Variants in ITGA9 observed in about 807,000 individuals in gnomAD.
ITGA9 encodes integrin alpha-9.
A neutral mutation model predicts 127.8 loss-of-function variants in ITGA9; 56 were observed. The observed-to-expected ratio is 0.44, with a 90% CI of 0.35 to 0.55. The LOEUF is 0.55. ITGA9 is among the 20% of genes least tolerant of loss of function. ITGA9 has a pLI of 0.00. For missense variants in ITGA9, 1,196 were observed against 1,347.1 expected (o/e 0.89, Z 1.76); for synonymous variants, 508 against 514.5 (o/e 0.99, Z 0.17).
intron 15 of ITGA9, among the ~76,000 whole-genome samples, chr3:37,550,989 C>T (rs2125594739): frequency 6.6e-6 from 1 of 152,304 alleles, no homozygotes; most frequent in South Asian, 2.1e-4. Context: ...GGTCATATCA[C>T]TCAAGTCATG....
intron 17 of ITGA9, among the ~76,000 whole-genome samples, chr3:37,670,159 A>G (rs983260971): frequency 2.6e-5 from 4 of 151,760 alleles, no homozygotes; most frequent in African/African-American, 9.7e-5. Flanking sequence ...CTCCTAAGCC[A>G]AGAAGGAAAA....
At chr3:37,470,363 A>G (rs1479655382) in intron 1 of ITGA9, among the ~76,000 whole-genome samples, 1 of 152,126 alleles carries the variant, frequency 6.6e-6, no homozygotes, top group Non-Finnish European at 1.5e-5. Context: ...GTTACTCTAT[A>G]TCCTTGCCAG....
chr3:37,521,461 A>C (rs991898043), intron 11 of ITGA9, among the ~76,000 whole-genome samples: 3 of 152,210 alleles, frequency 2.0e-5, no homozygotes, highest in African/African-American at 7.2e-5. Context: ...TCCCAATGTG[A>C]GAGCCCTCTG....
At chr3:37,566,636 G>A (rs968805575) in intron 15 of ITGA9, among the ~76,000 whole-genome samples, 24 of 152,236 alleles carry the variant, frequency 1.6e-4, no homozygotes, top group African/African-American at 5.8e-4. Context: ...TGGGTGTGCT[G>A]CAGTCTTCAG....
At chr3:37,804,002 G>A in intron 27 of ITGA9, 60 bp downstream of exon 27, 4 of 1,612,078 alleles carry the variant, frequency 2.5e-6, no homozygotes, top group South Asian at 2.2e-5. Flanking sequence ...CAGCTCTCCT[G>A]CCTTTCCAGG....
At chr3:37,782,967 A>G (rs1352760547) in intron 25 of ITGA9, among the ~76,000 whole-genome samples, 3 of 152,100 alleles carry the variant, frequency 2.0e-5, no homozygotes, top group East Asian at 1.9e-4. Flanking sequence ...GTGAAACCCC[A>G]TCTCTACTAA....
intron 3 of ITGA9, among the ~76,000 whole-genome samples, chr3:37,474,373 C>CAG (rs748265501): frequency 6.6e-6 from 1 of 152,170 alleles, no homozygotes; most frequent in Non-Finnish European, 1.5e-5. Flanking sequence ...TATTGGAAAG[C>CAG]AGAGAGAGAG....
chr3:37,469,747 G>A (rs1698408450), intron 1 of ITGA9, among the ~76,000 whole-genome samples: 1 of 152,116 alleles, frequency 6.6e-6, no homozygotes, highest in Non-Finnish European at 1.5e-5. Context: ...CTCTGTGGTT[G>A]CAGTTGAATG....
At chr3:37,578,902 C>T (rs889885252) in intron 15 of ITGA9, among the ~76,000 whole-genome samples, 2 of 151,812 alleles carry the variant, frequency 1.3e-5, no homozygotes, top group Non-Finnish European at 2.9e-5. Flanking sequence ...GTGCCAGTCA[C>T]CTAGGGCTGA....
intron 15 of ITGA9, among the ~76,000 whole-genome samples, chr3:37,611,047 G>A (rs1448637915): frequency 1.3e-5 from 2 of 152,178 alleles, no homozygotes; most frequent in African/African-American, 4.8e-5. Flanking sequence ...AAAAAGTAAA[G>A]CATCAGGTAA....
chr3:37,499,772 G>A (rs529119658), intron 5 of ITGA9, among the ~76,000 whole-genome samples: 2 of 152,276 alleles, frequency 1.3e-5, no homozygotes, highest in African/African-American at 4.8e-5. Flanking sequence ...GTGGCGTGGT[G>A]CGGTAAAAAC....
chr3:37,737,845 G>C (rs1220661980), intron 20 of ITGA9, among the ~76,000 whole-genome samples: 1 of 152,208 alleles, frequency 6.6e-6, no homozygotes, highest in African/African-American at 2.4e-5. Context: ...GATTCACCCA[G>C]TGTTAACATT....
At chr3:37,818,114 G>A (rs1697458869) in intron 27 of ITGA9, among the ~76,000 whole-genome samples, 2 of 141,176 alleles carry the variant, frequency 1.4e-5, no homozygotes, top group Non-Finnish European at 3.0e-5. Flanking sequence ...CTTGGGGAAT[G>A]TCAGGTCCCT....
At chr3:37,748,270 C>T (rs138873248) in intron 22 of ITGA9, 111 of 506,430 alleles carry the variant, frequency 2.2e-4, no homozygotes, top group Non-Finnish European at 3.9e-4. Flanking sequence ...AGGAAGGCCC[C>T]GCAAGTATTA....
At chr3:37,807,376 G>A (rs1697311635) in intron 27 of ITGA9, 1 of 152,336 alleles carries the variant, frequency 6.6e-6, no homozygotes, top group South Asian at 2.1e-4. Flanking sequence ...TTTCCAGGCA[G>A]GGAAGGGTAG....
intron 15 of ITGA9, among the ~76,000 whole-genome samples, chr3:37,593,025 A>C (rs1699835297): frequency 6.6e-6 from 1 of 152,202 alleles, no homozygotes; most frequent in Non-Finnish European, 1.5e-5. Flanking sequence ...TAGAATAACC[A>C]GGGGGAAAAA....
intron 1 of ITGA9, among the ~76,000 whole-genome samples, chr3:37,465,719 A>G (rs1423814084): frequency 2.0e-5 from 3 of 152,162 alleles, no homozygotes; most frequent in Non-Finnish European, 4.4e-5. Context: ...GGGGAGGGGA[A>G]GGTCTTTTCT....
chr3:37,629,042 T>G lies in ITGA9; in HGVS notation c.1690-145T>G. The stretch of plus-strand genomic sequence containing the variant: ...GGCCTCAATTACCTCATTTAAAATA[T>G]GAAAGTCATAAAACCCTACCTCACG... On this transcript the variant is annotated intron_variant, in intron 15 of 27. Coordinates refer to ENST00000264741, the MANE Select transcript of ITGA9 (RefSeq NM_002207.3). This position sits in a 1 kb window ranked among gnomAD's most constrained non-coding sequence, Gnocchi z 4.5. 2.1e-6 allele frequency: 2 copies of G among 945,652 alleles called. No homozygotes were observed. Among genetic ancestry groups the G allele is most frequent in the African/African-American group, 1.6e-5 (1 of 61,688 alleles). 58.6% of individuals were successfully genotyped at this position (945,652 alleles called of 1,614,324 possible).
At chr3:37,599,483 G>A (rs1156453226) in intron 15 of ITGA9, among the ~76,000 whole-genome samples, 3 of 152,234 alleles carry the variant, frequency 2.0e-5, no homozygotes, top group Non-Finnish European at 4.4e-5. Flanking sequence ...TGAGGCATGG[G>A]CTTCAGAAGT....
Sources: allele counts gnomAD v4.1 joint callset (sites outside exome capture counted in the v4.1 genomes callset), GRCh38; gene constraint gnomAD v4.1.1; non-coding constraint Gnocchi (gnomAD v3.1); transcripts MANE v1.5; gene names NCBI Gene and HGNC (gene_info 2026-07-23, HGNC 2026-07-21).